HECW1: variants seen among roughly 807,000 people sequenced by gnomAD.
HECW1 encodes E3 ubiquitin-protein ligase HECW1.
Under a neutral mutation model 182.3 loss-of-function variants are expected in HECW1, and 61 were observed. The ratio of observed to expected loss-of-function variants is 0.33; its 90% CI spans 0.27 to 0.41. The LOEUF is 0.41. Ranked by LOEUF, HECW1 falls within the 10% of genes least tolerant of loss-of-function variation. HECW1 has a pLI of 1.00. For synonymous variants in HECW1, 859 were observed against 832.6 expected, an observed-to-expected ratio of 1.03 and a Z score of -0.55; for missense variants, 1,739 against 2,108.9, an observed-to-expected ratio of 0.82 and a Z score of 3.44.
intron 2 of HECW1, among the ~76,000 whole-genome samples, chr7:43,136,815 A>G (rs1405403401): frequency 1.3e-5 from 2 of 152,052 alleles, no homozygotes; most frequent in African/African-American, 2.4e-5. Context: ...ATTATAGTCA[A>G]TGCACGTCCA....
At chr7:43,416,728 G>C (rs1023740729) in intron 8 of HECW1, among the ~76,000 whole-genome samples, 2 of 146,028 alleles carry the variant, frequency 1.4e-5, no homozygotes, top group Non-Finnish European at 3.0e-5. Context: ...ATATAGTCTC[G>C]TGGTGCGCCG....
Position 43,445,097 on chromosome 7 carries a change from A to G in HECW1, c.1925A>G (p.Asn642Ser), listed in dbSNP as rs778158458. The stretch of plus-strand genomic sequence containing the variant: ...GGGGGCCACTTCCCCAGCCTGGCCA[A>G]TGGCGCGGCCCAGGATGGCGACACG... ...HSGGHFPSLA[N>S]GAAQDGDTHP... The change falls in exon 11 of 30, where the codon AAT becomes AGT. Residue 642 changes from asparagine (N) to serine (S), a missense_variant. Coordinates refer to ENST00000395891, the MANE Select transcript of HECW1 (RefSeq NM_015052.5). 5.1e-5 allele frequency: 82 copies of G among 1,605,294 alleles called. No homozygotes were observed. Among genetic ancestry groups the G allele is most frequent in the Non-Finnish European group, 6.7e-5 (79 of 1,177,402 alleles).
chr7:43,362,510 G>C (rs1816092295), intron 6 of HECW1, among the ~76,000 whole-genome samples: 1 of 152,214 alleles, frequency 6.6e-6, no homozygotes, highest in Non-Finnish European at 1.5e-5. Flanking sequence ...ATTTAAGTGT[G>C]AGAATCTAGG....
chr7:43,504,891 C>T (rs1156631412), intron 21 of HECW1, among the ~76,000 whole-genome samples: 1 of 152,152 alleles, frequency 6.6e-6, no homozygotes, highest in South Asian at 2.1e-4. Context: ...CTGGAGGTCA[C>T]GAAAGGAGGT....
chr7:43,311,292 AATTCT>A (rs1168232436), intron 3 of HECW1, among the ~76,000 whole-genome samples: 6 of 152,178 alleles, frequency 3.9e-5, no homozygotes, highest in Non-Finnish European at 8.8e-5. Flanking sequence ...GACCACTCCT[AATTCT>A]GGGCTGTGTG....
intron 2 of HECW1, chr7:43,118,969 C>G (rs1211301727): frequency 1.3e-5 from 2 of 152,142 alleles, no homozygotes; most frequent in Non-Finnish European, 2.9e-5. Context: ...AAAGGTTGTC[C>G]CACTGGCCTT....
intron 2 of HECW1, among the ~76,000 whole-genome samples, chr7:43,226,282 T>C: frequency 6.6e-6 from 1 of 152,238 alleles, no homozygotes; most frequent in East Asian, 1.9e-4. Context: ...TCTGTCCTTC[T>C]TATTTCCGTA....
chr7:43,562,053 C>A lies in HECW1; in HGVS notation c.*127C>A. On this transcript the variant is annotated 3_prime_UTR_variant, in exon 30 of 30. Transcript: ENST00000395891. ...TATTCCATGATTTTTATTTTCAAACCAAATCAGGATTGACAAAAGCTGTGC... is the reference window on the plus strand; with the variant it reads ...TATTCCATGATTTTTATTTTCAAACAAAATCAGGATTGACAAAAGCTGTGC... The A allele has an allele frequency of 3.1e-6, 2 of 636,862 alleles. No individual in the cohort carries two copies. The highest frequency in any genetic ancestry group is 3.9e-5 in the South Asian group (2 of 51,902). 39.5% of individuals were successfully genotyped at this position (636,862 alleles called of 1,614,324 possible).
rs533452606 is a variant in HECW1, at chr7:43,198,246, C to G, written c.-31-45629C>G. On this transcript the variant is annotated intron_variant, in intron 2 of 29. Coordinates refer to ENST00000395891, the MANE Select transcript of HECW1 (RefSeq NM_015052.5). ...CCACCATAGTCGCACATCCCACAGT[C>G]TCTCACACACCCACTCACACACACC... Among the ~76,000 whole-genome samples, 6 of 149,728 alleles carry G rather than the reference C, an allele frequency of 4.0e-5. No individual in the cohort carries two copies. In the South Asian group the frequency reaches 1.3e-3, roughly 32 times the overall value.
chr7:43,378,995 C>T (rs78032097), intron 6 of HECW1, among the ~76,000 whole-genome samples: 1,939 of 152,124 alleles, frequency 0.013, 50 homozygotes, highest in African/African-American at 0.043. Context: ...TATGGGGGGG[C>T]GGTGTGCCCT....
At chr7:43,175,187 TAC>T (rs148286854) in intron 2 of HECW1, among the ~76,000 whole-genome samples, 5 of 151,768 alleles carry the variant, frequency 3.3e-5, no homozygotes, top group Admixed American at 1.3e-4. Context: ...CACATACACA[TAC>T]ACACACACAC....
chr7:43,182,234 A>G (rs571862744), intron 2 of HECW1, among the ~76,000 whole-genome samples: 1 of 152,336 alleles, frequency 6.6e-6, no homozygotes, highest in South Asian at 2.1e-4. Context: ...AACCAGTCCA[A>G]TGTCATGAAA....
chr7:43,360,815 C>T (rs1297841887), intron 5 of HECW1, 71 bp from the exon 6 acceptor site: 3 of 1,105,662 alleles, frequency 2.7e-6, no homozygotes, highest in African/African-American at 1.5e-5. Flanking sequence ...TAGAGATGTC[C>T]TCTGTGGCCA....
intron 11 of HECW1, among the ~76,000 whole-genome samples, chr7:43,447,622 C>T (rs2077099350): frequency 6.6e-6 from 1 of 152,216 alleles, no homozygotes; most frequent in Admixed American, 6.5e-5. Context: ...CCTTCCCCGC[C>T]TCAGCAGTGA....
At chr7:43,396,950 C>A in intron 7 of HECW1, 61 bp downstream of exon 7, 1 of 1,177,558 alleles carries the variant, frequency 8.5e-7, no homozygotes, top group Non-Finnish European at 1.3e-6. Context: ...AGAGTGAAGA[C>A]ACTCACTTCC....
intron 5 of HECW1, among the ~76,000 whole-genome samples, chr7:43,326,145 G>A (rs1223615668): frequency 6.6e-6 from 1 of 152,212 alleles, no homozygotes; most frequent in African/African-American, 2.4e-5. Flanking sequence ...GGCCAAAGGG[G>A]CTGGGGTGCC....
At chr7:43,199,376 G>A (rs937615144) in intron 2 of HECW1, among the ~76,000 whole-genome samples, 2 of 152,220 alleles carry the variant, frequency 1.3e-5, no homozygotes, top group African/African-American at 4.8e-5. Context: ...TATGGAATCT[G>A]AATATTATAG....
chr7:43,301,126 G>A (rs1806717835), intron 3 of HECW1, among the ~76,000 whole-genome samples: 2 of 152,160 alleles, frequency 1.3e-5, no homozygotes, highest in African/African-American at 4.8e-5. Flanking sequence ...CTCTCCAATG[G>A]AGAAGGTCTT....
intron 19 of HECW1, among the ~76,000 whole-genome samples, chr7:43,495,427 G>A (rs948261420): frequency 2.0e-5 from 3 of 152,066 alleles, no homozygotes; most frequent in African/African-American, 7.2e-5. Flanking sequence ...CTTTTGTCTT[G>A]CTTTGATAGT....
Sources: allele counts gnomAD v4.1 joint callset (sites outside exome capture counted in the v4.1 genomes callset), GRCh38; gene constraint gnomAD v4.1.1; transcripts MANE v1.5; gene names NCBI Gene and HGNC (gene_info 2026-07-23, HGNC 2026-07-21).